Variants in CNTN3 observed in about 807,000 individuals in gnomAD.
The protein encoded by CNTN3 is contactin-3.
Under a neutral mutation model 119.1 loss-of-function variants are expected in CNTN3, and 60 were observed. That is an observed-to-expected ratio of 0.50 (90% CI 0.41 to 0.62). The LOEUF is 0.62. CNTN3 is among the 20% of genes least tolerant of loss of function. CNTN3 has a pLI of 0.00. For synonymous variants in CNTN3, 450 were observed against 438.7 expected, an observed-to-expected ratio of 1.03 and a Z score of -0.32; for missense variants, 1,101 against 1,242.4, an observed-to-expected ratio of 0.89 and a Z score of 1.71.
Position 74,264,448 on chromosome 3 carries a change from T to C in CNTN3, c.3040A>G (p.Ser1014Gly), listed in dbSNP as rs754064903. The change falls in exon 23 of 23, where the codon AGT becomes GGT. Residue 1014 changes from serine to glycine, a missense_variant. Physicochemically the swap from Ser to Gly is moderately conservative, Grantham distance 56. Transcript: ENST00000263665. ...AAGAACAGTACTATAGGCATATAAC[T>C]TGACATAGGGTGGACATTCGAGATG... ...SAISNVHPMS[S>G]YMPIVLFLIV... The C allele has an allele frequency of 6.2e-7, 1 of 1,612,298 alleles. No homozygotes were observed. The highest frequency in any genetic ancestry group is 8.5e-7 in the Non-Finnish European group (1 of 1,178,754).
At position 74,335,022 on chromosome 3, in the gene CNTN3, A is replaced by C. The variant is rs115662883; in HGVS notation, c.1493-112T>G. On this transcript the variant is annotated intron_variant, in intron 12 of 22. Coordinates refer to ENST00000263665, the MANE Select transcript of CNTN3 (RefSeq NM_020872.3). ...TGTGTATGTCTGTAGATGCATATAC[A>C]TAAATATACATACATCTATATAATT... The C allele has an allele frequency of 8.5e-3, 5,303 of 626,044 alleles. 225 individuals carry two copies. The African/African-American group carries it at 0.086, about 10-fold the overall frequency. 38.8% of individuals were successfully genotyped at this position (626,044 alleles called of 1,614,324 possible).
chr3:74,338,104 CAT>C (rs563710149), intron 11 of CNTN3, among the ~76,000 whole-genome samples: 76 of 152,134 alleles, frequency 5.0e-4, no homozygotes, highest in East Asian at 1.6e-3. Flanking sequence ...ATTTTTGACA[CAT>C]GAGTGAGTGA....
At chr3:74,398,829 T>C (rs1314280606) in intron 5 of CNTN3, among the ~76,000 whole-genome samples, 1 of 152,218 alleles carries the variant, frequency 6.6e-6, no homozygotes, top group Non-Finnish European at 1.5e-5. Flanking sequence ...TATTGCAATT[T>C]ATATAAGCTT....
At chr3:74,610,950 T>G (rs1705070020) in intron 1 of CNTN3, among the ~76,000 whole-genome samples, 1 of 152,242 alleles carries the variant, frequency 6.6e-6, no homozygotes, top group Non-Finnish European at 1.5e-5. Flanking sequence ...TTATCAGTAA[T>G]ATAATCAAGC....
At chr3:74,571,860 C>T (rs1250245882) in intron 1 of CNTN3, among the ~76,000 whole-genome samples, 1 of 152,070 alleles carries the variant, frequency 6.6e-6, no homozygotes, top group Non-Finnish European at 1.5e-5. Flanking sequence ...CTACTGGTTA[C>T]CTAAGTTTGT....
At position 74,263,248 on chromosome 3, in the gene CNTN3, A is replaced by G. The variant is rs1351930999; in HGVS notation, c.*1153T>C. 1 of 152,174 alleles carries G rather than the reference A, an allele frequency of 6.6e-6. No homozygotes were observed. The highest frequency in any genetic ancestry group is 1.5e-5 in the Non-Finnish European group (1 of 68,000). 9.4% of individuals were successfully genotyped at this position (152,174 alleles called of 1,614,324 possible). A position where few individuals can be genotyped will look rare whatever the true frequency, so the allele number is the denominator to read the frequency against. ...CTGAGTCATACATATCAAAGTCAGC[A>G]GCATTGCCTTGGTTCTATTACAAAT... On this transcript the variant is annotated 3_prime_UTR_variant, in exon 23 of 23. Coordinates refer to ENST00000263665, the MANE Select transcript of CNTN3 (RefSeq NM_020872.3).
chr3:74,574,688 T>G (rs547717160), intron 1 of CNTN3, among the ~76,000 whole-genome samples: 1 of 152,296 alleles, frequency 6.6e-6, no homozygotes, highest in South Asian at 2.1e-4. Context: ...ATAATCACCT[T>G]TGGAACCATG....
intron 5 of CNTN3, among the ~76,000 whole-genome samples, chr3:74,401,516 G>A (rs1339790018): frequency 2.0e-5 from 3 of 150,504 alleles, no homozygotes; most frequent in African/African-American, 7.3e-5. Context: ...ACGCGCGCAC[G>A]CACACACACA....
intron 4 of CNTN3, among the ~76,000 whole-genome samples, chr3:74,478,618 A>C (rs1310631781): frequency 6.6e-6 from 1 of 152,102 alleles, no homozygotes; most frequent in Non-Finnish European, 1.5e-5. Flanking sequence ...GGTAATAATG[A>C]GGTGAGCCCA....
intron 5 of CNTN3, among the ~76,000 whole-genome samples, chr3:74,391,109 G>A (rs188819983): frequency 1.4e-4 from 22 of 152,264 alleles, no homozygotes; most frequent in African/African-American, 4.3e-4. Context: ...TGACCATCTC[G>A]AGATTTACAT....
chr3:74,614,450 GCCGCCGCCGCCGCCA>G lies in CNTN3; in HGVS notation c.-155_-141del, dbSNP rs975611022. On this transcript the variant is annotated 5_prime_UTR_variant, in exon 1 of 23. Transcript: ENST00000263665. ...CGGCCCACTCGCCGCCGCCGCCGCC[GCCGCCGCCGCCGCCA>G]CCGCCGCCGCCGCAGTTAGTCCGGG... 7.9e-5 allele frequency among the ~76,000 whole-genome samples: 11 copies of G among 139,758 alleles called. No individual in the cohort carries two copies. The highest frequency in any genetic ancestry group is 2.3e-4 in the South Asian group (1 of 4,396). The allele number at this position is 139,758 out of a possible 152,430, so 91.7% of individuals were successfully genotyped here. A position where few individuals can be genotyped will look rare whatever the true frequency, so the allele number is the denominator to read the frequency against.
At chr3:74,498,941 C>T (rs1253123304) in intron 3 of CNTN3, among the ~76,000 whole-genome samples, 4 of 151,766 alleles carry the variant, frequency 2.6e-5, no homozygotes, top group South Asian at 2.1e-4. Context: ...CCAAGCACTC[C>T]TAAGAGTAAA....
In CNTN3 at chr3:74,264,457, G is replaced by T; in HGVS notation, c.3031C>A (p.Pro1011Thr). Residue 1011 changes from proline (P) to threonine (T), a missense_variant, in exon 23 of 23, where the codon CCT becomes ACT. Transcript: ENST00000263665. ...GSTSAISNVH[P>T]MSSYMPIVLF... ...ACTATAGGCATATAACTTGACATAGGGTGGACATTCGAGATGGCTGAAGTG... is the reference window on the plus strand; with the variant it reads ...ACTATAGGCATATAACTTGACATAGTGTGGACATTCGAGATGGCTGAAGTG... 6.2e-7 allele frequency: 1 copy of T among 1,611,802 alleles called. No individual in the cohort carries two copies. Among genetic ancestry groups the T allele is most frequent in the East Asian group, 2.2e-5 (1 of 44,792 alleles).
chr3:74,319,600 G>A (rs1188067685), intron 13 of CNTN3, among the ~76,000 whole-genome samples: 1 of 151,772 alleles, frequency 6.6e-6, no homozygotes, highest in Non-Finnish European at 1.5e-5. Context: ...CAGGACATAG[G>A]CATGGGCAAG....
intron 11 of CNTN3, among the ~76,000 whole-genome samples, chr3:74,358,656 T>A (rs1444170297): frequency 6.6e-6 from 1 of 150,534 alleles, no homozygotes; most frequent in Non-Finnish European, 1.5e-5. Context: ...CATGTGCACA[T>A]TGTGCAAGTT....
rs62267314 is a variant in CNTN3, at chr3:74,420,948, G to T, written c.454+3897C>A. On this transcript the variant is annotated intron_variant, in intron 5 of 22. Transcript: ENST00000263665. ...GTGCCATTTCTAAGCAGGAAGTCTG[G>T]GCTCAAGGCACTAGGCATTGGCTGG... Among the ~76,000 whole-genome samples the T allele has an allele frequency of 8.8e-3, 1,347 of 152,238 alleles. 13 individuals carry two copies. The highest frequency in any genetic ancestry group is 0.014 in the Non-Finnish European group (939 of 68,016).
At chr3:74,377,900 A>G (rs1704519587) in intron 5 of CNTN3, among the ~76,000 whole-genome samples, 2 of 152,198 alleles carry the variant, frequency 1.3e-5, no homozygotes, top group African/African-American at 4.8e-5. Context: ...TAATACTGAC[A>G]TTCAAGTTTT....
intron 5 of CNTN3, among the ~76,000 whole-genome samples, chr3:74,374,008 G>A (rs1053018479): frequency 1.3e-5 from 2 of 152,092 alleles, no homozygotes; most frequent in Non-Finnish European, 2.9e-5. Context: ...GCTACCCCAG[G>A]AGCACTGTGG....
At chr3:74,275,900 C>T (rs751185116) in intron 20 of CNTN3, among the ~76,000 whole-genome samples, 20 of 152,016 alleles carry the variant, frequency 1.3e-4, no homozygotes, top group Non-Finnish European at 1.0e-4. Flanking sequence ...AGGAGACTCA[C>T]CTAACACATA....
Sources: gnomAD v4.1 joint callset for allele counts (sites outside exome capture counted in the v4.1 genomes callset) on GRCh38, gnomAD v4.1.1 for gene constraint, MANE v1.5 for transcripts, NCBI Gene and HGNC (gene_info 2026-07-23, HGNC 2026-07-21) for gene names.